The following PALLD variants were observed in gnomAD, a reference collection of about 807,000 sequenced individuals.
PALLD encodes palladin, cytoskeletal associated protein, also known as palladin.
PALLD carries 61 observed loss-of-function variants against 123.5 expected under a neutral mutation model. The observed-to-expected ratio is 0.49, with a 90% CI of 0.40 to 0.61. The LOEUF (loss-of-function observed/expected upper bound fraction) is 0.61, where lower values mean the gene tolerates loss of function less well. PALLD is among the 20% of genes least tolerant of loss of function. PALLD has a pLI of 0.00. For synonymous variants in PALLD, 465 were observed against 496.4 expected (o/e 0.94, Z 0.84); for missense variants, 1,273 against 1,377.0 (o/e 0.92, Z 1.20).
chr4:168,760,440 T>G (rs1732676379), intron 10 of PALLD, among the ~76,000 whole-genome samples: 1 of 152,120 alleles, frequency 6.6e-6, no homozygotes, highest in Non-Finnish European at 1.5e-5. Context: ...ACTTTTCTGA[T>G]TTTCATTTGC....
At chr4:168,813,105 T>TTG (rs1554087681) in intron 10 of PALLD, among the ~76,000 whole-genome samples, 47 of 151,144 alleles carry the variant, frequency 3.1e-4, no homozygotes, top group African/African-American at 1.1e-3. Flanking sequence ...AACGTACTTT[T>TTG]GGGGGGGGCG....
chr4:168,617,252 T>C (rs1774318154), intron 2 of PALLD, among the ~76,000 whole-genome samples: 1 of 152,172 alleles, frequency 6.6e-6, no homozygotes, highest in African/African-American at 2.4e-5. Context: ...GTCTCTCATT[T>C]TGGTGTTTTG....
intron 10 of PALLD, among the ~76,000 whole-genome samples, chr4:168,771,349 T>C (rs1279679834): frequency 2.0e-5 from 3 of 152,160 alleles, no homozygotes; most frequent in Admixed American, 6.5e-5. Flanking sequence ...AATTAGAACA[T>C]GAACACATGT....
intron 10 of PALLD, among the ~76,000 whole-genome samples, chr4:168,782,519 C>T (rs1396777033): frequency 6.6e-6 from 1 of 152,010 alleles, no homozygotes; most frequent in African/African-American, 2.4e-5. Context: ...CTTAGAAGGC[C>T]ATATGGACTC....
At chr4:168,550,666 A>G (rs898386751) in intron 2 of PALLD, among the ~76,000 whole-genome samples, 1 of 152,126 alleles carries the variant, frequency 6.6e-6, no homozygotes, top group East Asian at 1.9e-4. Flanking sequence ...CTCTTTGGGA[A>G]CTTTGCTAAT....
At chr4:168,814,875 A>G (rs1203227584) in intron 10 of PALLD, among the ~76,000 whole-genome samples, 3 of 152,162 alleles carry the variant, frequency 2.0e-5, no homozygotes, top group African/African-American at 7.2e-5. Context: ...GGTTCAAGCA[A>G]TTCTCCTGCC....
rs776912944 is a variant in PALLD at position 168,672,463 on chromosome 4, CT to C, written c.1087+4108del. 1.3e-3 allele frequency among the ~76,000 whole-genome samples: 185 copies of C among 145,880 alleles called. 1 individual carries two copies. The highest frequency in any genetic ancestry group is 2.0e-3 in the Admixed American group (29 of 14,546). On this transcript the variant is annotated intron_variant, in intron 3 of 21. Coordinates refer to ENST00000505667, the MANE Select transcript of PALLD (RefSeq NM_001166108.2). ...TCTGCTTTTTTACTTCTGAGATTAA[CT>C]TTTTTTTTTTTTGAGACGGAGTCTC...
At chr4:168,520,936 G>A (rs1256819789) in intron 2 of PALLD, among the ~76,000 whole-genome samples, 1 of 152,214 alleles carries the variant, frequency 6.6e-6, no homozygotes, top group Non-Finnish European at 1.5e-5. Context: ...ATCTAGTCAT[G>A]AGTAGCAGTA....
In PALLD at chr4:168,778,640, G is replaced by A. The variant is rs544383602; in HGVS notation, c.1964+66717G>A. Among the ~76,000 whole-genome samples the A allele has an allele frequency of 2.6e-4, 39 of 152,238 alleles. No individual in the cohort carries two copies. The South Asian group carries it at 7.5e-3, about 29-fold the overall frequency. ...TTACATGGTACTGATTATGTACCAAGCACCGTGCTAAATACCTCAAAAATT... is the reference window on the plus strand; with the variant it reads ...TTACATGGTACTGATTATGTACCAAACACCGTGCTAAATACCTCAAAAATT... On this transcript the variant is annotated intron_variant, in intron 10 of 21. Transcript: ENST00000505667.
At chr4:168,500,136 T>A (rs936419189) in intron 1 of PALLD, among the ~76,000 whole-genome samples, 5 of 152,222 alleles carry the variant, frequency 3.3e-5, no homozygotes, top group Non-Finnish European at 7.3e-5. Flanking sequence ...CTACATGGAT[T>A]GTTCTGAGGA....
chr4:168,571,736 A>T (rs1769006985), intron 2 of PALLD, among the ~76,000 whole-genome samples: 1 of 152,202 alleles, frequency 6.6e-6, no homozygotes, highest in Non-Finnish European at 1.5e-5. Context: ...TGCTATGAAC[A>T]TCAGCCTTCC....
chr4:168,572,165 G>A (rs572177357), intron 2 of PALLD, among the ~76,000 whole-genome samples: 1 of 152,124 alleles, frequency 6.6e-6, no homozygotes, highest in South Asian at 2.1e-4. Flanking sequence ...TTTCTTCTTG[G>A]CAGTGAAACC....
At chr4:168,700,688 GA>G (rs1460577990) in intron 8 of PALLD, 3 of 152,158 alleles carry the variant, frequency 2.0e-5, no homozygotes, top group Non-Finnish European at 4.4e-5. Context: ...CAGCGAACCA[GA>G]AACTAACAAA....
chr4:168,666,675 C>A (rs192653161), intron 2 of PALLD, among the ~76,000 whole-genome samples: 1 of 152,094 alleles, frequency 6.6e-6, no homozygotes, highest in Admixed American at 6.6e-5. Flanking sequence ...AGTGACAGAT[C>A]TGAAGTTTAG....
In PALLD at chr4:168,926,529, T is replaced by G. The variant is rs563854491; in HGVS notation, c.*349T>G. ...AACACCAAAATAATATTTTTCTTAC[T>G]TGATATACCAAACTTAGTTTAAGTA... is the stretch of plus-strand genomic sequence containing the variant. On this transcript the variant is annotated 3_prime_UTR_variant, in exon 22 of 22. Transcript: ENST00000505667. 1 of 610,708 alleles carries G rather than the reference T, an allele frequency of 1.6e-6. No individual in the cohort carries two copies. Among genetic ancestry groups the G allele is most frequent in the Admixed American group, 3.1e-5 (1 of 31,944 alleles). 37.8% of individuals were successfully genotyped at this position (610,708 alleles called of 1,614,324 possible).
chr4:168,846,209 T>C (rs183596951), intron 10 of PALLD, among the ~76,000 whole-genome samples: 92 of 152,300 alleles, frequency 6.0e-4, no homozygotes, highest in Non-Finnish European at 1.1e-3. Context: ...GAACAGAAAA[T>C]AGATTGGAAG....
chr4:168,901,064 CTTAA>C (rs1046442022), intron 14 of PALLD, among the ~76,000 whole-genome samples: 8 of 152,248 alleles, frequency 5.3e-5, no homozygotes, highest in South Asian at 4.1e-4. Flanking sequence ...CTAGAAGGGA[CTTAA>C]TTGTTTAAAC....
chr4:168,587,563 G>A (rs1770959489), intron 2 of PALLD, among the ~76,000 whole-genome samples: 1 of 152,104 alleles, frequency 6.6e-6, no homozygotes, highest in African/African-American at 2.4e-5. Context: ...CGGTTATGAA[G>A]GACAGCTGTG....
chr4:168,893,398 G>A (rs1195208209), intron 11 of PALLD, among the ~76,000 whole-genome samples: 3 of 152,118 alleles, frequency 2.0e-5, no homozygotes, highest in African/African-American at 7.2e-5. Flanking sequence ...TGAACTGCAG[G>A]ACTATTTGTC....
Sources: gnomAD v4.1 joint callset for allele counts (sites outside exome capture counted in the v4.1 genomes callset) on GRCh38, gnomAD v4.1.1 for gene constraint, MANE v1.5 for transcripts, NCBI Gene and HGNC (gene_info 2026-07-23, HGNC 2026-07-21) for gene names.